Variants in RIN2 observed in about 807,000 individuals in gnomAD.
RIN2 encodes RAB5 interacting protein 2.
A neutral mutation model predicts 78.0 loss-of-function variants in RIN2; 36 were observed. That is an observed-to-expected ratio of 0.46 (90% confidence interval 0.35 to 0.61). The LOEUF (loss-of-function observed/expected upper bound fraction) is 0.61. Among genes scored for constraint, RIN2 ranks in the 20% least tolerant of loss-of-function variants. The pLI is 0.00. For synonymous variants in RIN2, 466 were observed against 466.8 expected, an observed-to-expected ratio of 1.00 and a Z score of 0.02; for missense variants, 1,087 against 1,159.7, an observed-to-expected ratio of 0.94 and a Z score of 0.91.
chr20:19,996,048 G>A (rs1386552106), intron 11 of RIN2, among the ~76,000 whole-genome samples: 1 of 152,098 alleles, frequency 6.6e-6, no homozygotes, highest in Admixed American at 6.6e-5. Flanking sequence ...GGGCATGGTG[G>A]TCATGCCTGT....
chr20:19,890,717 C>T (rs915361889), intron 3 of RIN2, among the ~76,000 whole-genome samples: 1 of 119,582 alleles, frequency 8.4e-6, no homozygotes, highest in African/African-American at 3.3e-5. Context: ...TCAGAAGAAC[C>T]TGCTGATAAA....
At chr20:19,800,371 C>T (rs2035202093) in intron 2 of RIN2, among the ~76,000 whole-genome samples, 1 of 152,224 alleles carries the variant, frequency 6.6e-6, no homozygotes, top group Non-Finnish European at 1.5e-5. Flanking sequence ...AACCTTGCTA[C>T]TCCTCCATCA....
At chr20:19,944,995 C>A (rs774160079) in intron 4 of RIN2, among the ~76,000 whole-genome samples, 1 of 152,204 alleles carries the variant, frequency 6.6e-6, no homozygotes, top group Non-Finnish European at 1.5e-5. Flanking sequence ...TCCCATGGAG[C>A]GGAACCATTA....
intron 2 of RIN2, among the ~76,000 whole-genome samples, chr20:19,854,565 G>T (rs1029510912): frequency 2.0e-5 from 3 of 152,144 alleles, no homozygotes; most frequent in African/African-American, 7.2e-5. Flanking sequence ...TTGAGCAGTG[G>T]TTTGTAGTTC....
At chr20:19,908,268 G>A (rs920743909) in intron 3 of RIN2, among the ~76,000 whole-genome samples, 18 of 152,160 alleles carry the variant, frequency 1.2e-4, no homozygotes, top group Non-Finnish European at 2.6e-4. Context: ...GAGGTGGGCA[G>A]ATCATGAGGT....
intron 2 of RIN2, among the ~76,000 whole-genome samples, chr20:19,821,397 A>G (rs530130866): frequency 1.1e-4 from 16 of 152,164 alleles, no homozygotes; most frequent in African/African-American, 3.9e-4. Flanking sequence ...TTCATCTCAC[A>G]TGTGTACAAT....
In RIN2 at chr20:19,895,266, G is replaced by A. The variant is rs116416231; in HGVS notation, c.57+5608G>A. Among the ~76,000 whole-genome samples the A allele has an allele frequency of 3.2e-3, 492 of 152,312 alleles. 2 individuals carry two copies. Among genetic ancestry groups the A allele is most frequent in the African/African-American group, 0.011 (461 of 41,554 alleles). ...TTCAATTCATAACTCTGCCATAAGG[G>A]ATTTGTTCTTTCCATTTGTCATCAC... is the stretch of plus-strand genomic sequence containing the variant. On this transcript the variant is annotated intron_variant, in intron 3 of 12. Transcript: ENST00000255006.
In RIN2 at chr20:19,956,789, G is replaced by T; in HGVS notation, c.333G>T (p.Leu111=). The change falls in exon 5 of 13, where the codon CTG becomes CTT. Residue 111 remains leucine, a synonymous_variant. Transcript: ENST00000255006. The part of the protein sequence containing the change: ...SLSEEEAAEV[L]QAQPPGIFLV... ...GTGAGGAGGAGGCAGCAGAGGTCCT[G>T]CAGGCCCAGCCTCCGGGGGTAAGAC... 1 of 1,590,996 alleles carries T rather than the reference G, an allele frequency of 6.3e-7. No homozygotes were observed.
intron 3 of RIN2, among the ~76,000 whole-genome samples, chr20:19,933,405 G>A (rs929318945): frequency 2.6e-5 from 4 of 151,998 alleles, no homozygotes; most frequent in African/African-American, 7.2e-5. Flanking sequence ...AGGCTCTATC[G>A]CTTAAAAAAG....
At chr20:19,816,235 T>C (rs185403981) in intron 2 of RIN2, among the ~76,000 whole-genome samples, 87 of 152,352 alleles carry the variant, frequency 5.7e-4, no homozygotes, top group African/African-American at 2.0e-3. Flanking sequence ...CCTAAAGTCA[T>C]GCCTTAACAG....
At chr20:19,806,155 A>G (rs146566074) in intron 2 of RIN2, among the ~76,000 whole-genome samples, 104 of 152,276 alleles carry the variant, frequency 6.8e-4, no homozygotes, top group African/African-American at 2.4e-3. Context: ...AGTCTTTGCT[A>G]TTGTGAACAG....
At chr20:19,962,834 G>A (rs2041809427) in intron 6 of RIN2, among the ~76,000 whole-genome samples, 1 of 152,206 alleles carries the variant, frequency 6.6e-6, no homozygotes, top group Non-Finnish European at 1.5e-5. Context: ...GCGCAAGCCT[G>A]TAATCCCATC....
intron 1 of RIN2, among the ~76,000 whole-genome samples, chr20:19,764,918 G>GTGTTTTTTT (rs1274106795): frequency 7.9e-5 from 4 of 50,362 alleles, no homozygotes; most frequent in Non-Finnish European, 1.1e-4. Context: ...CACTTTCTGC[G>GTGTTTTTTT]TTTTTTTTTT....
In RIN2 at chr20:19,901,833, A is replaced by T. The variant is rs563218907; in HGVS notation, c.57+12175A>T. Among the ~76,000 whole-genome samples the T allele has an allele frequency of 3.1e-4, 47 of 152,160 alleles. 1 individual carries two copies. Among genetic ancestry groups the T allele is most frequent in the Admixed American group, 2.4e-3 (36 of 15,280 alleles). ...GGTGTTTGAGACCAGCCTGGCCAAC[A>T]TGGTGAAACCCCGTCTCTACTACAG... On this transcript the variant is annotated intron_variant, in intron 3 of 12. Coordinates refer to ENST00000255006, the MANE Select transcript of RIN2 (RefSeq NM_018993.4).
chr20:19,829,597 G>T (rs2036193484), intron 2 of RIN2, among the ~76,000 whole-genome samples: 1 of 152,178 alleles, frequency 6.6e-6, no homozygotes, highest in Non-Finnish European at 1.5e-5. Flanking sequence ...ATTGGTCAGG[G>T]TTTTTAGATG....
At chr20:19,795,885 A>G (rs1009439209) in intron 1 of RIN2, among the ~76,000 whole-genome samples, 13 of 152,194 alleles carry the variant, frequency 8.5e-5, no homozygotes, top group Non-Finnish European at 1.3e-4. Context: ...CCACAGTGTC[A>G]TCATTTAAGG....
At chr20:19,882,795 T>C (rs552483848) in intron 2 of RIN2, among the ~76,000 whole-genome samples, 10 of 152,320 alleles carry the variant, frequency 6.6e-5, no homozygotes, top group Admixed American at 3.3e-4. Context: ...ACGGGTTTTT[T>C]TCAATAAACA....
At chr20:19,937,020 C>G (rs2040673497) in intron 4 of RIN2, among the ~76,000 whole-genome samples, 2 of 152,200 alleles carry the variant, frequency 1.3e-5, no homozygotes, top group South Asian at 4.1e-4. Context: ...CCTAGCACTT[C>G]CAGGAGGGAA....
chr20:19,758,988 G>C (rs922330478), intron 1 of RIN2, among the ~76,000 whole-genome samples: 1 of 152,202 alleles, frequency 6.6e-6, no homozygotes, highest in Non-Finnish European at 1.5e-5. Context: ...GAGGAGCCCC[G>C]GATTCCTGCC....
Sources: allele counts gnomAD v4.1 joint callset (sites outside exome capture counted in the v4.1 genomes callset), GRCh38; gene constraint gnomAD v4.1.1; transcripts MANE v1.5; gene names NCBI Gene and HGNC (gene_info 2026-07-23, HGNC 2026-07-21).